Variants in FHOD3 observed in about 807,000 individuals in gnomAD.
The protein encoded by FHOD3 is formin homology 2 domain containing 3, also known as FH1/FH2 domain-containing protein 3.
FHOD3 carries 90 observed loss-of-function variants against 173.0 expected under a neutral mutation model. That is an observed-to-expected ratio of 0.52 (90% CI 0.44 to 0.62). The LOEUF (loss-of-function observed/expected upper bound fraction) is 0.62, where lower values mean the gene tolerates loss of function less well. Among genes scored for constraint, FHOD3 ranks in the 20% least tolerant of loss-of-function variants. The probability of loss-of-function intolerance (pLI) is 0.00; values close to 1 mark genes in which losing one functional copy is unlikely to be tolerated. For synonymous variants in FHOD3, 828 were observed against 823.0 expected (o/e 1.01, Z -0.10); for missense variants, 1,945 against 2,034.7 (o/e 0.96, Z 0.85).
At chr18:36,316,110 G>A (rs1437067535) in intron 1 of FHOD3, among the ~76,000 whole-genome samples, 2 of 151,000 alleles carry the variant, frequency 1.3e-5, no homozygotes, top group South Asian at 2.1e-4. Context: ...TTCTCGGAGA[G>A]CCATTGCTCT....
intron 1 of FHOD3, among the ~76,000 whole-genome samples, chr18:36,317,712 C>T (rs2044197836): frequency 6.6e-6 from 1 of 152,214 alleles, no homozygotes; most frequent in African/African-American, 2.4e-5. Context: ...TTTTGCTGTG[C>T]AGAAGCTCTT....
intron 17 of FHOD3, among the ~76,000 whole-genome samples, chr18:36,706,219 C>G (rs1214663698): frequency 1.3e-5 from 2 of 152,118 alleles, no homozygotes; most frequent in Non-Finnish European, 2.9e-5. Context: ...TTGATTAAGA[C>G]AGCTAGAGAA....
chr18:36,687,217 T>C, intron 16 of FHOD3, 39 bp downstream of exon 16: 1 of 1,486,738 alleles, frequency 6.7e-7, no homozygotes, highest in East Asian at 2.3e-5. Context: ...ACAAATGGCA[T>C]GTGACTTTGC....
intron 3 of FHOD3, among the ~76,000 whole-genome samples, chr18:36,413,444 G>T (rs555187609): frequency 6.6e-6 from 1 of 152,114 alleles, no homozygotes; most frequent in Non-Finnish European, 1.5e-5. Flanking sequence ...TTCTTTTTTG[G>T]GCTGTGAGCT....
intron 3 of FHOD3, among the ~76,000 whole-genome samples, chr18:36,414,729 G>A (rs1398573931): frequency 6.6e-6 from 1 of 152,212 alleles, no homozygotes; most frequent in Non-Finnish European, 1.5e-5. Context: ...CATTCTGTGG[G>A]CTGAGCCTGG....
intron 18 of FHOD3, among the ~76,000 whole-genome samples, chr18:36,713,616 C>A (rs531937108): frequency 6.6e-6 from 1 of 152,050 alleles, no homozygotes; most frequent in East Asian, 1.9e-4. Flanking sequence ...TTATAGTTTA[C>A]AATAATGTGT....
chr18:36,748,364 GCA>G (rs369761727), intron 24 of FHOD3, among the ~76,000 whole-genome samples: 55 of 140,802 alleles, frequency 3.9e-4, no homozygotes, highest in African/African-American at 1.0e-3. Flanking sequence ...ACACGCACGC[GCA>G]CACACACACA....
rs138863207 is a variant in FHOD3 at position 36,744,151 on chromosome 18, C to T, written c.3999C>T (p.Ser1333=). 131 of 1,614,128 alleles carry T rather than the reference C, an allele frequency of 8.1e-5. 1 individual carries two copies. In the Middle Eastern group the frequency reaches 1.3e-3, roughly 16 times the overall value. ...TMVVENFPDS[S]DLYSEIGAIT... The stretch of plus-strand genomic sequence containing the variant: ...TGGTAGAAAACTTCCCAGACAGCTC[C>T]GATCTGTACTCGGAGATCGGGGCCA... The change falls in exon 23 of 29, where the codon TCC becomes TCT. Residue 1333 remains serine, a synonymous_variant. Transcript: ENST00000590592.
chr18:36,596,971 G>A (rs1179343792), intron 7 of FHOD3, among the ~76,000 whole-genome samples: 1 of 152,212 alleles, frequency 6.6e-6, no homozygotes, highest in Non-Finnish European at 1.5e-5. Context: ...GTAGGCAGCA[G>A]CTTCTCTCCT....
At chr18:36,365,440 T>C (rs2046853135) in intron 2 of FHOD3, among the ~76,000 whole-genome samples, 1 of 152,180 alleles carries the variant, frequency 6.6e-6, no homozygotes, top group Non-Finnish European at 1.5e-5. Context: ...CTGTTTAATT[T>C]CATTTGTATG....
chr18:36,562,915 T>C (rs552084368), intron 5 of FHOD3, among the ~76,000 whole-genome samples: 7 of 152,258 alleles, frequency 4.6e-5, no homozygotes, highest in African/African-American at 1.2e-4. Flanking sequence ...TTTAAGGCTT[T>C]GCTGTGATGA....
At chr18:36,610,423 G>A (rs780518966) in intron 8 of FHOD3, among the ~76,000 whole-genome samples, 1 of 152,242 alleles carries the variant, frequency 6.6e-6, no homozygotes, top group Non-Finnish European at 1.5e-5. Flanking sequence ...AGTGCGATGT[G>A]GTTAGCCTGG....
chr18:36,535,807 C>A (rs1217867684), intron 5 of FHOD3, among the ~76,000 whole-genome samples: 1 of 151,826 alleles, frequency 6.6e-6, no homozygotes, highest in Non-Finnish European at 1.5e-5. Flanking sequence ...ATATTATTAA[C>A]TTATGTTGGA....
At chr18:36,763,116 AAT>A (rs1477883229) in intron 27 of FHOD3, among the ~76,000 whole-genome samples, 2 of 130,872 alleles carry the variant, frequency 1.5e-5, no homozygotes, top group South Asian at 2.3e-4. Flanking sequence ...CGTTATATAT[AAT>A]ATGTGTATTA....
intron 15 of FHOD3, among the ~76,000 whole-genome samples, chr18:36,683,616 G>T (rs2038401390): frequency 6.6e-6 from 1 of 152,180 alleles, no homozygotes; most frequent in South Asian, 2.1e-4. Flanking sequence ...GTCAAATCTG[G>T]ACCAAAAGAA....
At chr18:36,342,872 C>G (rs2045693079) in intron 1 of FHOD3, among the ~76,000 whole-genome samples, 2 of 152,198 alleles carry the variant, frequency 1.3e-5, no homozygotes, top group Non-Finnish European at 2.9e-5. Context: ...ATTTTAATAG[C>G]TGTTTCTCCA....
At chr18:36,650,886 G>A (rs1230330240) in intron 11 of FHOD3, among the ~76,000 whole-genome samples, 1 of 152,210 alleles carries the variant, frequency 6.6e-6, no homozygotes, top group Non-Finnish European at 1.5e-5. Context: ...GCCTGGAAGA[G>A]TCTCTGACTC....
chr18:36,754,892 T>A (rs2042556019), intron 24 of FHOD3, among the ~76,000 whole-genome samples: 1 of 151,450 alleles, frequency 6.6e-6, no homozygotes, highest in Non-Finnish European at 1.5e-5. Flanking sequence ...CTGTTTGCAT[T>A]TTCACTTGAG....
rs565299984 is a variant in FHOD3, at chr18:36,638,203, A to G, written c.1197-11113A>G. 3.3e-5 allele frequency among the ~76,000 whole-genome samples: 5 copies of G among 152,338 alleles called. No individual in the cohort carries two copies. The East Asian group carries it at 9.6e-4, about 29-fold the overall frequency. ...TGGGGCTGGTCCAGAAAACCTCCTC[A>G]GGCATTTAGGTTGAGTCCCAAAGGA... On this transcript the variant is annotated intron_variant, in intron 10 of 28. Transcript: ENST00000590592.
Sources: gnomAD v4.1 joint callset for allele counts (sites outside exome capture counted in the v4.1 genomes callset) on GRCh38, gnomAD v4.1.1 for gene constraint, MANE v1.5 for transcripts, NCBI Gene and HGNC (gene_info 2026-07-23, HGNC 2026-07-21) for gene names.